The following GORAB variants were observed in gnomAD, a reference collection of about 807,000 sequenced individuals.
The protein encoded by GORAB is golgin, RAB6 interacting.
GORAB carries 17 observed loss-of-function variants against 29.9 expected under a neutral mutation model. The ratio of observed to expected loss-of-function variants is 0.57; its 90% CI spans 0.39 to 0.85. GORAB has a LOEUF of 0.85. Ranked by LOEUF, GORAB falls within the 40% of genes least tolerant of loss-of-function variation. The probability of loss-of-function intolerance (pLI) is 0.00; values close to 1 mark genes in which losing one functional copy is unlikely to be tolerated. For missense variants in GORAB, 442 were observed against 437.8 expected (o/e 1.01, Z -0.09); for synonymous variants, 183 against 157.2 (o/e 1.16, Z -1.23).
In GORAB at chr1:170,553,389, G is replaced by A. The variant is rs919979609; in HGVS notation, c.*927G>A. On this transcript the variant is annotated 3_prime_UTR_variant, in exon 5 of 5. Transcript: ENST00000367763. ...TGTTAATTGCCTGTTACTAGTACTT[G>A]ACCAATACATTGTGCTATATGTAAA... The A allele has an allele frequency of 3.1e-5, 14 of 452,012 alleles. No homozygotes were observed. Among genetic ancestry groups the A allele is most frequent in the African/African-American group, 2.8e-4 (14 of 49,934 alleles). 28.0% of individuals were successfully genotyped at this position (452,012 alleles called of 1,614,324 possible).
Position 170,532,220 on chromosome 1 carries a change from G to A in GORAB, c.-4G>A. ...ACTTTTGGGGGTGCCGGTGGCCCGG[G>A]CCGATGGCGCAAGGTTGGGCAGGAT... On this transcript the variant is annotated 5_prime_UTR_variant, in exon 1 of 5. Transcript: ENST00000367763. The A allele has an allele frequency of 5.6e-6, 9 of 1,614,092 alleles. No individual in the cohort carries two copies. The highest frequency in any genetic ancestry group is 7.6e-6 in the Non-Finnish European group (9 of 1,180,018).
intron 4 of GORAB, among the ~76,000 whole-genome samples, chr1:170,550,299 C>G (rs923323663): frequency 6.6e-6 from 1 of 152,196 alleles, no homozygotes; most frequent in African/African-American, 2.4e-5. Context: ...CTATGTTCTC[C>G]TCTGAGAGTG....
intron 2 of GORAB, among the ~76,000 whole-genome samples, chr1:170,540,280 C>G (rs544264529): frequency 4.6e-5 from 7 of 152,128 alleles, no homozygotes; most frequent in South Asian, 2.1e-4. Context: ...CTACACTGTT[C>G]TTGTGGAAGA....
Position 170,552,831 on chromosome 1 carries a change from C to T in GORAB, c.*369C>T, listed in dbSNP as rs967670316. ...ACCTAGTTAAACTCATTTCACTTCT[C>T]CTGGGAGACGTATTAAGACTGGAAG... On this transcript the variant is annotated 3_prime_UTR_variant, in exon 5 of 5. Transcript: ENST00000367763. 6.6e-6 allele frequency: 3 copies of T among 454,920 alleles called. No individual in the cohort carries two copies. The highest frequency in any genetic ancestry group is 2.0e-5 in the African/African-American group (1 of 49,996). The allele number at this position is 454,920 out of a possible 1,614,324, so 28.2% of individuals were successfully genotyped here. A position where few individuals can be genotyped will look rare whatever the true frequency, so the allele number is the denominator to read the frequency against.
intron 4 of GORAB, chr1:170,545,160 G>T: frequency 9.6e-7 from 1 of 1,040,956 alleles, no homozygotes; most frequent in Non-Finnish European, 1.2e-6. Context: ...TCAGCATCTA[G>T]CAAAGTAAAT....
chr1:170,532,301 A>C lies in GORAB; in HGVS notation c.61+17A>C, dbSNP rs76513879. The C allele has an allele frequency of 2.1e-3, 3,325 of 1,613,696 alleles. 65 individuals carry two copies. In the African/African-American group the frequency reaches 0.037, roughly 18 times the overall value. Reference sequence around the variant, plus strand: ...AGACTAAAGGTTACAAGATGGGTTTACAGTGGTTTAATTCTTGGGTCTTAA... The same window carrying C: ...AGACTAAAGGTTACAAGATGGGTTTCCAGTGGTTTAATTCTTGGGTCTTAA... On this transcript the variant is annotated intron_variant, in intron 1 of 4. Coordinates refer to ENST00000367763, the MANE Select transcript of GORAB (RefSeq NM_152281.3).
At chr1:170,544,512 A>G in intron 3 of GORAB, 193 bp from the exon 4 acceptor site, 1 of 491,362 alleles carries the variant, frequency 2.0e-6, no homozygotes, top group Non-Finnish European at 3.6e-6. Flanking sequence ...TTTATGAAAC[A>G]TGCAAATATA....
intron 4 of GORAB, chr1:170,545,385 T>C (rs540547558): frequency 6.6e-5 from 63 of 952,472 alleles, no homozygotes; most frequent in Non-Finnish European, 7.6e-5. Flanking sequence ...TCTTTTTTTT[T>C]CCTTTCAATT....
intron 4 of GORAB, among the ~76,000 whole-genome samples, chr1:170,548,662 A>C (rs372958678): frequency 1.4e-4 from 22 of 152,338 alleles, no homozygotes; most frequent in African/African-American, 5.3e-4. Context: ...CACAGTAAAG[A>C]AGCTCAACAA....
At position 170,539,226 on chromosome 1, in the gene GORAB, G is replaced by C. The variant is rs1649242510; in HGVS notation, c.78G>C (p.Gln26His). Residue 26 changes from glutamine (Q) to histidine (H), a missense_variant, in exon 2 of 5, where the codon CAG becomes CAC. Transcript: ENST00000367763. ...LKQTKDPFEP[Q>H]RRLPAKKSRQ... ...TTTACATAGATCCATTTGAACCACA[G>C]CGACGTCTCCCCGCGAAGAAAAGTC... The C allele has an allele frequency of 1.2e-6, 2 of 1,613,926 alleles. No homozygotes were observed. Among genetic ancestry groups the C allele is most frequent in the South Asian group, 2.2e-5 (2 of 91,080 alleles).
rs777599373 is a variant in GORAB at position 170,553,350 on chromosome 1, T to C, written c.*888T>C. On this transcript the variant is annotated 3_prime_UTR_variant, in exon 5 of 5. Transcript: ENST00000367763. ...AGCGTTTAAATTGTTAAAATGCTGA[T>C]TTTCTTATTAGTTTGTTAATTGCCT... is the stretch of plus-strand genomic sequence containing the variant. 3 of 452,720 alleles carry C rather than the reference T, an allele frequency of 6.6e-6. No individual in the cohort carries two copies. The highest frequency in any genetic ancestry group is 4.7e-5 in the South Asian group (3 of 63,798). 28.0% of individuals were successfully genotyped at this position (452,720 alleles called of 1,614,324 possible).
chr1:170,544,806 A>G lies in GORAB; in HGVS notation c.623A>G (p.Asn208Ser), dbSNP rs758084831. 6.2e-7 allele frequency: 1 copy of G among 1,614,050 alleles called. No homozygotes were observed. The highest frequency in any genetic ancestry group is 1.3e-5 in the African/African-American group (1 of 75,044). ...MVSADIGILRNRIDQASLDYS... is the reference protein window; with the variant it reads ...MVSADIGILRSRIDQASLDYS... ...TCAGCTGACATTGGAATTCTCAGGA[A>G]CCGGATTGATCAGGCCAGCTTAGAC... is the stretch of plus-strand genomic sequence containing the variant. The change falls in exon 4 of 5, where the codon AAC becomes AGC. Residue 208 changes from asparagine to serine, a missense_variant. By Grantham distance (46) the Asn-to-Ser change is conservative. Coordinates refer to ENST00000367763, the MANE Select transcript of GORAB (RefSeq NM_152281.3).
Position 170,535,461 on chromosome 1 carries a change from T to C in GORAB, c.61+3177T>C, listed in dbSNP as rs146778700. Among the ~76,000 whole-genome samples the C allele has an allele frequency of 1.2e-4, 18 of 152,374 alleles. No homozygotes were observed. In the East Asian group the frequency reaches 3.3e-3, roughly 28 times the overall value. On this transcript the variant is annotated intron_variant, in intron 1 of 4. Transcript: ENST00000367763. Reference sequence around the variant, plus strand: ...ATTTATTCAGAAGAGTTATTCTTCATACTGATTCTTTGCCAGTTACATTAT... The same window carrying C: ...ATTTATTCAGAAGAGTTATTCTTCACACTGATTCTTTGCCAGTTACATTAT...
At chr1:170,546,126 C>G (rs182539889) in intron 4 of GORAB, among the ~76,000 whole-genome samples, 6 of 152,112 alleles carry the variant, frequency 3.9e-5, no homozygotes, top group African/African-American at 1.4e-4. Context: ...CACGGTGGCT[C>G]ACGCCTGTAA....
At chr1:170,551,033 A>T (rs2101833326) in intron 4 of GORAB, among the ~76,000 whole-genome samples, 1 of 152,374 alleles carries the variant, frequency 6.6e-6, no homozygotes. Context: ...ATTACCTGTC[A>T]ACAGAGTTTA....
At chr1:170,535,053 G>A (rs12097444) in intron 1 of GORAB, among the ~76,000 whole-genome samples, 5,727 of 152,198 alleles carry the variant, frequency 0.038, 355 homozygotes, top group African/African-American at 0.13. Context: ...CAGTCACTCC[G>A]TTTTTTGGTG....
chr1:170,552,548 T>G lies in GORAB; in HGVS notation c.*86T>G. 1 of 1,087,416 alleles carries G rather than the reference T, an allele frequency of 9.2e-7. No homozygotes were observed. Among genetic ancestry groups the G allele is most frequent in the Non-Finnish European group, 1.4e-6 (1 of 709,262 alleles). The allele number at this position is 1,087,416 out of a possible 1,614,324, so 67.4% of individuals were successfully genotyped here. ...CATGCCCTGACCTCCAATAAAAACC[T>G]CTTTAAAACAATGCTGATTTTTGAA... On this transcript the variant is annotated 3_prime_UTR_variant, in exon 5 of 5. Transcript: ENST00000367763.
intron 2 of GORAB, 145 bp downstream of exon 2, chr1:170,539,712 T>C (rs894446271): frequency 5.8e-6 from 5 of 856,472 alleles, no homozygotes; most frequent in Non-Finnish European, 8.8e-6. Context: ...GTATAAACTA[T>C]TGAAAAATAG....
Position 170,551,781 on chromosome 1 carries a change from G to A in GORAB, c.663-234G>A, listed in dbSNP as rs570498690. ...AAACAGCTTTGTAAAGAAAACATTC[G>A]TGCAGAATAACATGTTTTCATTAGG... On this transcript the variant is annotated intron_variant, in intron 4 of 4. Coordinates refer to ENST00000367763, the MANE Select transcript of GORAB (RefSeq NM_152281.3). Among the ~76,000 whole-genome samples the A allele has an allele frequency of 5.3e-5, 8 of 152,268 alleles. No individual in the cohort carries two copies. In the East Asian group the frequency reaches 5.8e-4, roughly 11 times the overall value.
Sources: gnomAD v4.1 joint callset for allele counts (sites outside exome capture counted in the v4.1 genomes callset) on GRCh38, gnomAD v4.1.1 for gene constraint, MANE v1.5 for transcripts, NCBI Gene and HGNC (gene_info 2026-07-23, HGNC 2026-07-21) for gene names.